Variants in KIF26B observed in about 807,000 individuals in gnomAD.
KIF26B encodes the protein kinesin-like protein KIF26B.
Under a neutral mutation model 151.2 loss-of-function variants are expected in KIF26B, and 63 were observed. The observed-to-expected ratio is 0.42, with a 90% CI of 0.34 to 0.51. The LOEUF is 0.51. KIF26B is among the 20% of genes least tolerant of loss of function. The pLI is 0.07. For synonymous variants in KIF26B, 1,357 were observed against 1,262.1 expected (o/e 1.08, Z -1.59); for missense variants, 2,813 against 2,913.6 (o/e 0.97, Z 0.79).
intron 4 of KIF26B, among the ~76,000 whole-genome samples, chr1:245,505,442 G>A (rs896402484): frequency 2.6e-5 from 4 of 152,194 alleles, no homozygotes; most frequent in African/African-American, 9.6e-5. Context: ...CTGGAGTGCT[G>A]TGGCACAATC....
intron 2 of KIF26B, among the ~76,000 whole-genome samples, chr1:245,274,244 C>G (rs1670901356): frequency 6.6e-6 from 1 of 151,824 alleles, no homozygotes; most frequent in Admixed American, 6.6e-5. Context: ...TTTAATTATA[C>G]TTTAAGTTCT....
At chr1:245,278,019 T>G (rs1048644601) in intron 2 of KIF26B, among the ~76,000 whole-genome samples, 1 of 151,554 alleles carries the variant, frequency 6.6e-6, no homozygotes, top group Non-Finnish European at 1.5e-5. Flanking sequence ...TAGGAAGGGG[T>G]GGGGTGAAGT....
rs1027413050 is a variant in KIF26B at position 245,707,392 on chromosome 1, C to A, written c.*4786C>A. The A allele has an allele frequency of 1.3e-5, 2 of 152,216 alleles. No homozygotes were observed. The highest frequency in any genetic ancestry group is 4.8e-5 in the African/African-American group (2 of 41,444). 9.4% of individuals were successfully genotyped at this position (152,216 alleles called of 1,614,324 possible). ...TTACCTTCAACACTAAAAAAGGTTC[C>A]TTCTTTCATTCCCTATCCTGCTAAC... is the stretch of plus-strand genomic sequence containing the variant. On this transcript the variant is annotated 3_prime_UTR_variant, in exon 15 of 15. Transcript: ENST00000407071.
intron 4 of KIF26B, among the ~76,000 whole-genome samples, chr1:245,470,658 C>T (rs1023462070): frequency 6.6e-6 from 1 of 152,030 alleles, no homozygotes; most frequent in Non-Finnish European, 1.5e-5. Context: ...TCTCCATCTC[C>T]TGACCTTGTG....
chr1:245,548,020 T>C lies in KIF26B; in HGVS notation c.1350+7070T>C, dbSNP rs1401320130. Among the ~76,000 whole-genome samples, 12 of 152,322 alleles carry C rather than the reference T, an allele frequency of 7.9e-5. No individual in the cohort carries two copies. In the East Asian group the frequency reaches 2.1e-3, roughly 27 times the overall value. On this transcript the variant is annotated intron_variant, in intron 5 of 14. Transcript: ENST00000407071. ...CTGAACTTCCCCTGCCTGCTTCATA[T>C]GAGTAGACAGGCTCTTCTGAACACA...
intron 2 of KIF26B, among the ~76,000 whole-genome samples, chr1:245,230,331 G>A (rs1006109516): frequency 1.3e-5 from 2 of 152,146 alleles, no homozygotes; most frequent in African/African-American, 4.8e-5. Context: ...GAGTGCTCTT[G>A]AAATAAGAAA....
rs777990861 is a variant in KIF26B, at chr1:245,706,893, A to C, written c.*4287A>C. The C allele has an allele frequency of 2.0e-5, 3 of 152,088 alleles. No homozygotes were observed. The highest frequency in any genetic ancestry group is 4.4e-5 in the Non-Finnish European group (3 of 68,018). 9.4% of individuals were successfully genotyped at this position (152,088 alleles called of 1,614,324 possible). ...CACTGATGCAAGTAAATGGGTCTCAAATTTTGGTGGGGGCAGTGTTTCTTT... is the reference window on the plus strand; with the variant it reads ...CACTGATGCAAGTAAATGGGTCTCACATTTTGGTGGGGGCAGTGTTTCTTT... On this transcript the variant is annotated 3_prime_UTR_variant, in exon 15 of 15. Transcript: ENST00000407071.
chr1:245,423,269 A>G (rs746619081), intron 4 of KIF26B, among the ~76,000 whole-genome samples: 2 of 151,772 alleles, frequency 1.3e-5, no homozygotes, highest in Non-Finnish European at 2.9e-5. Flanking sequence ...TCATATGCAA[A>G]CCCCCTTCAT....
In KIF26B at chr1:245,170,310, G is replaced by A. The variant is rs976825722; in HGVS notation, c.465+13627G>A. Among the ~76,000 whole-genome samples the A allele has an allele frequency of 5.9e-5, 9 of 152,156 alleles. No homozygotes were observed. The highest frequency in any genetic ancestry group is 1.2e-4 in the Non-Finnish European group (8 of 68,024). On this transcript the variant is annotated intron_variant, in intron 2 of 14. Coordinates refer to ENST00000407071, the MANE Select transcript of KIF26B (RefSeq NM_018012.4). This position sits in a 1 kb window ranked among gnomAD's most constrained non-coding sequence, Gnocchi z 4.4. Reference sequence around the variant, plus strand: ...CATTTATGGGTCGGCTGGTTTGAGGGTCCTTGCATTTCTTGTCAGTCAATA... The same window carrying A: ...CATTTATGGGTCGGCTGGTTTGAGGATCCTTGCATTTCTTGTCAGTCAATA...
intron 2 of KIF26B, among the ~76,000 whole-genome samples, chr1:245,176,104 A>T (rs774995348): frequency 7.2e-5 from 11 of 152,090 alleles, no homozygotes; most frequent in Non-Finnish European, 1.3e-4. Context: ...GGTTCAAGCG[A>T]TTCTCCTGCC....
chr1:245,291,905 C>T (rs1444059941), intron 2 of KIF26B, among the ~76,000 whole-genome samples: 4 of 152,086 alleles, frequency 2.6e-5, no homozygotes, highest in African/African-American at 9.7e-5. Flanking sequence ...GACAGAATGG[C>T]TTCAGCTCAG....
At chr1:245,192,063 T>G (rs1451495163) in intron 2 of KIF26B, among the ~76,000 whole-genome samples, 1 of 152,194 alleles carries the variant, frequency 6.6e-6, no homozygotes. Flanking sequence ...GGGATAATCC[T>G]AACTACCAGG....
chr1:245,311,199 A>G (rs1312405563), intron 2 of KIF26B, among the ~76,000 whole-genome samples: 2 of 152,070 alleles, frequency 1.3e-5, no homozygotes, highest in African/African-American at 4.8e-5. Flanking sequence ...GATGACCCGC[A>G]TCTCTCGGAG....
At chr1:245,179,256 C>T (rs545293918) in intron 2 of KIF26B, among the ~76,000 whole-genome samples, 1 of 152,286 alleles carries the variant, frequency 6.6e-6, no homozygotes, top group African/African-American at 2.4e-5. Flanking sequence ...GTCATTCATT[C>T]ACGTATTCAT....
chr1:245,523,961 T>C (rs1661185340), intron 4 of KIF26B, among the ~76,000 whole-genome samples: 1 of 152,248 alleles, frequency 6.6e-6, no homozygotes, highest in Admixed American at 6.5e-5. Context: ...AATAGTCACA[T>C]ATAATTTCTG....
At chr1:245,637,896 C>T (rs984149413) in intron 9 of KIF26B, among the ~76,000 whole-genome samples, 2 of 151,826 alleles carry the variant, frequency 1.3e-5, no homozygotes, top group African/African-American at 4.8e-5. Flanking sequence ...ATACTCTTTG[C>T]TTACTATAGC....
At position 245,698,960 on chromosome 1, in the gene KIF26B, A is replaced by T; in HGVS notation, c.6101A>T (p.Lys2034Met). 6.2e-7 allele frequency: 1 copy of T among 1,614,056 alleles called. No individual in the cohort carries two copies. Among genetic ancestry groups the T allele is most frequent in the Non-Finnish European group, 8.5e-7 (1 of 1,179,902 alleles). ...RQQRIAEVRA[K>M]YEWLMKELEA... ...CAGAGGATCGCCGAGGTCCGCGCGA[A>T]GTACGAGTGGCTGATGAAGGAGCTG... The change falls in exon 14 of 15, where the codon AAG (lysine) becomes ATG (methionine). Residue 2034 changes from lysine (K) to methionine (M), a missense_variant. Lys to Met is a moderately conservative substitution (Grantham distance 95). Around this residue, in one of 3 missense-constraint regions of KIF26B, gnomAD observed 2,060 missense variants for 2,088.6 expected, o/e 0.99. Coordinates refer to ENST00000407071, the MANE Select transcript of KIF26B (RefSeq NM_018012.4). This position sits in a 1 kb window ranked among gnomAD's most constrained non-coding sequence, Gnocchi z 4.0.
chr1:245,509,049 C>A (rs1259884908), intron 4 of KIF26B, among the ~76,000 whole-genome samples: 3 of 152,164 alleles, frequency 2.0e-5, no homozygotes, highest in Non-Finnish European at 4.4e-5. Context: ...AATAGTAGAG[C>A]AAACGTCTAT....
At chr1:245,177,058 G>A (rs578060162) in intron 2 of KIF26B, among the ~76,000 whole-genome samples, 6 of 152,282 alleles carry the variant, frequency 3.9e-5, no homozygotes, top group Non-Finnish European at 8.8e-5. Context: ...TGGCTCAAGC[G>A]ATCTGCTTGC....
Sources: gnomAD v4.1 joint callset for allele counts (sites outside exome capture counted in the v4.1 genomes callset) on GRCh38, gnomAD v4.1.1 for gene constraint, gnomAD v4.1.1 regional missense constraint, Gnocchi (gnomAD v3.1) non-coding constraint, MANE v1.5 for transcripts, NCBI Gene and HGNC (gene_info 2026-07-23, HGNC 2026-07-21) for gene names.